DLGAP1: variants seen among roughly 807,000 people sequenced by gnomAD.
The protein encoded by DLGAP1 is DLG associated protein 1.
DLGAP1 carries 11 observed loss-of-function variants against 90.8 expected under a neutral mutation model. The observed-to-expected ratio is 0.12, with a 90% CI of 0.08 to 0.20. The LOEUF is 0.20. Among genes scored for constraint, DLGAP1 ranks in the 10% least tolerant of loss-of-function variants. The pLI, the probability that DLGAP1 is intolerant of heterozygous loss-of-function variation, is 1.00. For synonymous variants in DLGAP1, 558 were observed against 540.7 expected, an observed-to-expected ratio of 1.03 and a Z score of -0.44; for missense variants, 1,050 against 1,333.8, an observed-to-expected ratio of 0.79 and a Z score of 3.31.
intron 7 of DLGAP1, among the ~76,000 whole-genome samples, chr18:3,637,217 T>G (rs1347971520): frequency 6.6e-6 from 1 of 151,966 alleles, no homozygotes; most frequent in Non-Finnish European, 1.5e-5. Flanking sequence ...GGATAGTGAG[T>G]GAGCAAGAAA....
intron 1 of DLGAP1, among the ~76,000 whole-genome samples, chr18:4,229,380 G>T (rs1393893401): frequency 1.3e-5 from 2 of 151,994 alleles, no homozygotes; most frequent in African/African-American, 4.8e-5. Flanking sequence ...GCTATCCTGA[G>T]CAAAAGGAAC....
chr18:3,502,897 G>A (rs948249828), intron 11 of DLGAP1, among the ~76,000 whole-genome samples: 4 of 152,072 alleles, frequency 2.6e-5, no homozygotes, highest in Admixed American at 2.6e-4. Flanking sequence ...TATGGTATGG[G>A]GGAAGGGTCT....
intron 3 of DLGAP1, among the ~76,000 whole-genome samples, chr18:3,987,636 T>C (rs969034738): frequency 2.0e-5 from 3 of 152,234 alleles, no homozygotes; most frequent in Admixed American, 2.0e-4. Context: ...TTTTCACTTT[T>C]ATAATTTTCT....
chr18:4,019,459 G>A (rs1425229930), intron 2 of DLGAP1, among the ~76,000 whole-genome samples: 2 of 151,980 alleles, frequency 1.3e-5, no homozygotes, highest in East Asian at 3.9e-4. Flanking sequence ...ATGCAAAAGA[G>A]TCTTCTTAAA....
In DLGAP1 at chr18:3,496,857, T is replaced by A. The variant is rs971561082; in HGVS notation, c.*2328A>T. The A allele has an allele frequency of 6.6e-6, 1 of 152,214 alleles. No homozygotes were observed. Among genetic ancestry groups the A allele is most frequent in the African/African-American group, 2.4e-5 (1 of 41,464 alleles). The allele number at this position is 152,214 out of a possible 1,614,324, so 9.4% of individuals were successfully genotyped here. A position where few individuals can be genotyped will look rare whatever the true frequency, so the allele number is the denominator to read the frequency against. ...GGAAGGCAAAGATCATGATGCCCTG[T>A]AGGCCTTGAGCTAAAAGATTTAAAA... is the stretch of plus-strand genomic sequence containing the variant. On this transcript the variant is annotated 3_prime_UTR_variant, in exon 13 of 13. Transcript: ENST00000315677.
chr18:4,068,559 A>C (rs1183860827), intron 2 of DLGAP1, among the ~76,000 whole-genome samples: 1 of 152,182 alleles, frequency 6.6e-6, no homozygotes, highest in African/African-American at 2.4e-5. Context: ...AACATGATGC[A>C]TAACTATGCA....
chr18:4,265,696 C>T (rs1204985249), intron 1 of DLGAP1, among the ~76,000 whole-genome samples: 1 of 126,432 alleles, frequency 7.9e-6, no homozygotes, highest in East Asian at 2.6e-4. Flanking sequence ...TTCCTTCCTT[C>T]CTTCCCTCCT....
intron 1 of DLGAP1, among the ~76,000 whole-genome samples, chr18:4,211,976 A>T (rs898869922): frequency 2.0e-5 from 3 of 152,298 alleles, no homozygotes; most frequent in African/African-American, 7.2e-5. Context: ...GAAACTTTTT[A>T]AAAATACAAA....
intron 7 of DLGAP1, among the ~76,000 whole-genome samples, chr18:3,678,840 T>C (rs1163204101): frequency 6.6e-6 from 1 of 152,208 alleles, no homozygotes; most frequent in African/African-American, 2.4e-5. Flanking sequence ...CTGCTATGCA[T>C]CGCAATACAT....
intron 5 of DLGAP1, among the ~76,000 whole-genome samples, chr18:3,787,480 CAAAAAAAAAAAAAAAAAAA>C (rs1189558362): frequency 4.7e-5 from 3 of 63,778 alleles, no homozygotes; most frequent in Admixed American, 4.9e-4. Flanking sequence ...AACTCCATCT[CAAAAAAAAAAAAAAAAAAA>C]AAAAAAAAAA....
intron 9 of DLGAP1, among the ~76,000 whole-genome samples, chr18:3,563,149 A>G (rs2054238671): frequency 6.6e-6 from 1 of 152,160 alleles, no homozygotes; most frequent in East Asian, 1.9e-4. Context: ...TTGCTCCTCT[A>G]TAGGTAAGAT....
chr18:3,894,430 ACTATCC>A (rs2071561765), intron 3 of DLGAP1, among the ~76,000 whole-genome samples: 1 of 152,226 alleles, frequency 6.6e-6, no homozygotes, highest in East Asian at 1.9e-4. Context: ...TCTGCACATG[ACTATCC>A]AATTTTCTTA....
chr18:3,719,019 T>G lies in DLGAP1; in HGVS notation c.1591+10116A>C, dbSNP rs1305949392. Among the ~76,000 whole-genome samples, 5 of 152,002 alleles carry G rather than the reference T, an allele frequency of 3.3e-5. No individual in the cohort carries two copies. The East Asian group carries it at 7.7e-4, about 23-fold the overall frequency. ...ACAAGCAAATCCAATAGACTTTCCTTCTCTAAAAGTTTCTAAATTATATTT... is the reference window on the plus strand; with the variant it reads ...ACAAGCAAATCCAATAGACTTTCCTGCTCTAAAAGTTTCTAAATTATATTT... On this transcript the variant is annotated intron_variant, in intron 7 of 12. Coordinates refer to ENST00000315677, the MANE Select transcript of DLGAP1 (RefSeq NM_004746.4).
rs140968742 is a variant in DLGAP1 at position 3,685,133 on chromosome 18, G to A, written c.1591+44002C>T. ...TCCATGCTTCTTGATTTTAGTTATT[G>A]CCTTAATAAGGTTTTTTGGTAAATG... is the stretch of plus-strand genomic sequence containing the variant. On this transcript the variant is annotated intron_variant, in intron 7 of 12. Coordinates refer to ENST00000315677, the MANE Select transcript of DLGAP1 (RefSeq NM_004746.4). Among the ~76,000 whole-genome samples the A allele has an allele frequency of 3.4e-3, 517 of 152,282 alleles. 1 individual carries two copies. Among genetic ancestry groups the A allele is most frequent in the African/African-American group, 0.012 (492 of 41,566 alleles).
chr18:3,996,961 TG>T (rs1216282886), intron 3 of DLGAP1, among the ~76,000 whole-genome samples: 1 of 151,940 alleles, frequency 6.6e-6, no homozygotes, highest in Non-Finnish European at 1.5e-5. Flanking sequence ...ACAGTGCTCA[TG>T]TTTATAAATT....
At chr18:3,721,884 T>C (rs1598459109) in intron 7 of DLGAP1, 3 of 152,284 alleles carry the variant, frequency 2.0e-5, no homozygotes. Flanking sequence ...AATGATAATA[T>C]CATGTGCAAG....
At chr18:3,982,878 A>C (rs1197076711) in intron 3 of DLGAP1, among the ~76,000 whole-genome samples, 1 of 152,186 alleles carries the variant, frequency 6.6e-6, no homozygotes, top group East Asian at 1.9e-4. Flanking sequence ...TAGATATCTT[A>C]TGAAATTTGT....
At chr18:3,541,892 A>G (rs1259971402) in intron 9 of DLGAP1, among the ~76,000 whole-genome samples, 1 of 151,190 alleles carries the variant, frequency 6.6e-6, no homozygotes, top group Non-Finnish European at 1.5e-5. Flanking sequence ...ATGGAAACAG[A>G]GGCAATATTG....
intron 3 of DLGAP1, among the ~76,000 whole-genome samples, chr18:3,979,776 T>C (rs2073684549): frequency 1.3e-5 from 2 of 152,226 alleles, no homozygotes; most frequent in South Asian, 4.1e-4. Context: ...CCTTCTATGA[T>C]GTATACATAG....
Sources: gnomAD v4.1 joint callset for allele counts (sites outside exome capture counted in the v4.1 genomes callset) on GRCh38, gnomAD v4.1.1 for gene constraint, MANE v1.5 for transcripts, NCBI Gene and HGNC (gene_info 2026-07-23, HGNC 2026-07-21) for gene names.